The following RBFOX1 variants were observed in gnomAD, a reference collection of about 807,000 sequenced individuals.
The protein encoded by RBFOX1 is RNA binding protein fox-1 homolog 1.
Under a neutral mutation model 57.7 loss-of-function variants are expected in RBFOX1, and 8 were observed. The observed-to-expected ratio is 0.14, with a 90% CI of 0.08 to 0.25. The LOEUF (loss-of-function observed/expected upper bound fraction) is 0.25. Ranked by LOEUF, RBFOX1 falls within the 10% of genes least tolerant of loss-of-function variation. The pLI is 1.00. For synonymous variants in RBFOX1, 326 were observed against 222.4 expected (o/e 1.47, Z -4.15); for missense variants, 611 against 548.5 (o/e 1.11, Z -1.14).
chr16:5,605,809 G>T (rs2047554904), intron 3 of RBFOX1, among the ~76,000 whole-genome samples: 1 of 152,052 alleles, frequency 6.6e-6, no homozygotes, highest in African/African-American at 2.4e-5. Flanking sequence ...CTTGGTATAG[G>T]CGAGAAGAAT....
chr16:6,997,083 G>A lies in RBFOX1; in HGVS notation c.-15-54974G>A, dbSNP rs374311816. On this transcript the variant is annotated intron_variant, in intron 3 of 15. Coordinates refer to ENST00000550418, the MANE Select transcript of RBFOX1 (RefSeq NM_018723.4). ...GACAGATGAAAAATAATAAAAGCAGGAAGTACCTTTTGTTGTGTTGACTGT... is the reference window on the plus strand; with the variant it reads ...GACAGATGAAAAATAATAAAAGCAGAAAGTACCTTTTGTTGTGTTGACTGT... Among the ~76,000 whole-genome samples the A allele has an allele frequency of 2.2e-4, 33 of 152,188 alleles. No homozygotes were observed. In the South Asian group the frequency reaches 4.4e-3, roughly 20 times the overall value.
At chr16:6,064,610 G>A (rs936045099) in intron 1 of RBFOX1, among the ~76,000 whole-genome samples, 8 of 151,674 alleles carry the variant, frequency 5.3e-5, no homozygotes, top group Non-Finnish European at 8.8e-5. Context: ...GTGCGATCTC[G>A]GCTCACTGCA....
chr16:6,684,961 C>G (rs949199422), intron 3 of RBFOX1, among the ~76,000 whole-genome samples: 5 of 152,126 alleles, frequency 3.3e-5, no homozygotes, highest in African/African-American at 4.8e-5. Flanking sequence ...CAATTAATCT[C>G]TTTGGCAGGT....
chr16:7,458,622 G>C (rs2058985346), intron 4 of RBFOX1, among the ~76,000 whole-genome samples: 1 of 152,024 alleles, frequency 6.6e-6, no homozygotes, highest in Non-Finnish European at 1.5e-5. Flanking sequence ...AATATCATAG[G>C]AATATATTCC....
intron 1 of RBFOX1, among the ~76,000 whole-genome samples, chr16:6,116,018 C>T (rs2096492665): frequency 6.6e-6 from 1 of 152,134 alleles, no homozygotes; most frequent in Non-Finnish European, 1.5e-5. Context: ...TTGGAACCAA[C>T]CCAAATGCCC....
At chr16:5,896,338 A>C (rs2058163071) in intron 4 of RBFOX1, among the ~76,000 whole-genome samples, 1 of 152,088 alleles carries the variant, frequency 6.6e-6, no homozygotes, top group African/African-American at 2.4e-5. Context: ...GTCTTTCATG[A>C]ATATATTAAT....
At chr16:6,812,900 A>G (rs1240017523) in intron 3 of RBFOX1, among the ~76,000 whole-genome samples, 1 of 152,182 alleles carries the variant, frequency 6.6e-6, no homozygotes, top group African/African-American at 2.4e-5. Context: ...TGTCAGAGTG[A>G]CGATGTTTCT....
chr16:6,115,590 T>A (rs772574216), intron 1 of RBFOX1, among the ~76,000 whole-genome samples: 5 of 152,196 alleles, frequency 3.3e-5, no homozygotes, highest in Non-Finnish European at 5.9e-5. Context: ...GGTATAAGAT[T>A]GCTGAGATAA....
chr16:7,307,312 A>G (rs1204034749), intron 4 of RBFOX1, among the ~76,000 whole-genome samples: 1 of 152,240 alleles, frequency 6.6e-6, no homozygotes, highest in Admixed American at 6.5e-5. Context: ...TTGTCTCAGC[A>G]TGAACATCCA....
At chr16:6,780,904 A>T (rs57003248) in intron 3 of RBFOX1, among the ~76,000 whole-genome samples, 16 of 151,848 alleles carry the variant, frequency 1.1e-4, no homozygotes, top group Non-Finnish European at 2.1e-4. Context: ...TTCTCTTGTC[A>T]GGTGGGTAGT....
At chr16:6,027,849 C>G (rs1345961719) in intron 1 of RBFOX1, among the ~76,000 whole-genome samples, 4 of 152,200 alleles carry the variant, frequency 2.6e-5, no homozygotes, top group African/African-American at 9.6e-5. Context: ...CCCAGCGTAG[C>G]TGCAAATGTA....
chr16:6,948,594 C>G (rs546652039), intron 3 of RBFOX1, among the ~76,000 whole-genome samples: 39 of 151,954 alleles, frequency 2.6e-4, no homozygotes, highest in African/African-American at 9.2e-4. Context: ...GTTGGCCAGA[C>G]TGGTCTTGAA....
At chr16:5,961,974 T>C (rs1053410921) in intron 4 of RBFOX1, among the ~76,000 whole-genome samples, 2 of 152,218 alleles carry the variant, frequency 1.3e-5, no homozygotes, top group African/African-American at 4.8e-5. Flanking sequence ...ATTAGTGTGG[T>C]AGCTCGATGA....
intron 4 of RBFOX1, among the ~76,000 whole-genome samples, chr16:5,960,850 G>T (rs1185022065): frequency 6.6e-6 from 1 of 152,154 alleles, no homozygotes; most frequent in Non-Finnish European, 1.5e-5. Flanking sequence ...AGGATTTCCT[G>T]GAACATGAAG....
chr16:6,001,719 T>A (rs1446568303), intron 4 of RBFOX1, among the ~76,000 whole-genome samples: 1 of 152,164 alleles, frequency 6.6e-6, no homozygotes, highest in African/African-American at 2.4e-5. Flanking sequence ...AATAAGGAAA[T>A]AGTTTCAAGA....
At chr16:7,208,290 G>A (rs148068151) in intron 4 of RBFOX1, among the ~76,000 whole-genome samples, 2 of 152,286 alleles carry the variant, frequency 1.3e-5, no homozygotes, top group East Asian at 1.9e-4. Flanking sequence ...ACTGTATTTG[G>A]AGACAGTTTG....
At chr16:6,129,742 T>C (rs58833350) in intron 1 of RBFOX1, among the ~76,000 whole-genome samples, 14,010 of 140,184 alleles carry the variant, frequency 0.1, 910 homozygotes, top group East Asian at 0.27. Flanking sequence ...ATCAGTCATA[T>C]TGACGAAAAA....
At chr16:7,597,531 C>T (rs954502116) in intron 9 of RBFOX1, 100 bp downstream of exon 9, 3 of 1,070,640 alleles carry the variant, frequency 2.8e-6, no homozygotes, top group South Asian at 1.6e-5. Flanking sequence ...TTTGCCTGGG[C>T]ATTGACACTG....
chr16:6,214,137 C>G (rs11640853), intron 1 of RBFOX1, among the ~76,000 whole-genome samples: 40,866 of 152,074 alleles, frequency 0.27, 6,116 homozygotes, highest in East Asian at 0.45. Context: ...TGAGACAAAC[C>G]CGTTGTCATT....
Sources: gnomAD v4.1 joint callset for allele counts (sites outside exome capture counted in the v4.1 genomes callset) on GRCh38, gnomAD v4.1.1 for gene constraint, MANE v1.5 for transcripts, NCBI Gene and HGNC (gene_info 2026-07-23, HGNC 2026-07-21) for gene names.